Variants in PAK3 observed in about 807,000 individuals in gnomAD.
The protein encoded by PAK3 is p21 (RAC1) activated kinase 3, also known as serine/threonine-protein kinase PAK 3.
A neutral mutation model predicts 41.0 loss-of-function variants in PAK3; 4 were observed. The observed-to-expected ratio is 0.10, with a 90% confidence interval of 0.05 to 0.22. PAK3 has a LOEUF of 0.22. Ranked by LOEUF, PAK3 falls within the 10% of genes least tolerant of loss-of-function variation. The pLI, the probability that PAK3 is intolerant of heterozygous loss-of-function variation, is 1.00. For synonymous variants in PAK3, 146 were observed against 139.6 expected (o/e 1.05, Z -0.32); for missense variants, 205 against 409.9 (o/e 0.50, Z 4.32).
In PAK3 at chrX:111,163,717, A is replaced by G; in HGVS notation, c.756A>G (p.Leu252=). 1 of 1,188,848 alleles carries G rather than the reference A, an allele frequency of 8.4e-7. No individual in the cohort carries two copies. The highest frequency in any genetic ancestry group is 3.0e-5 in the East Asian group (1 of 33,696). The change falls in exon 10 of 18, where the codon TTA becomes TTG. Residue 252 remains leucine (L), a synonymous_variant. Transcript: ENST00000372007. ...CCAAGATGACAGATGAGGAGATCTTAGAGAAGCTAAGTGAGTACTTCTTGC... is the reference window on the plus strand; with the variant it reads ...CCAAGATGACAGATGAGGAGATCTTGGAGAAGCTAAGTGAGTACTTCTTGC... ...KKSKMTDEEI[L]EKLRSIVSVG...
At chrX:111,142,242 T>C in intron 6 of PAK3, 46 bp downstream of exon 6, 2 of 742,342 alleles carry the variant, frequency 2.7e-6, no homozygotes. Context: ...AAAGAATTCC[T>C]TTGTGAAAAT....
intron 8 of PAK3, among the ~76,000 whole-genome samples, chrX:111,153,546 T>A (rs2149141344): frequency 1.8e-5 from 2 of 111,721 alleles, no homozygotes; most frequent in East Asian, 5.6e-4. Flanking sequence ...GGTGAAATAA[T>A]TTGCATTACT....
At chrX:111,006,635 G>A (rs1402128581) in intron 1 of PAK3, among the ~76,000 whole-genome samples, 1 of 111,326 alleles carries the variant, frequency 9.0e-6, no homozygotes, top group Non-Finnish European at 1.9e-5. Context: ...ATTGGGTTCA[G>A]TCAAATAGAG....
intron 6 of PAK3, among the ~76,000 whole-genome samples, chrX:111,146,235 T>G (rs1236880583): frequency 8.9e-6 from 1 of 112,201 alleles, no homozygotes; most frequent in Non-Finnish European, 1.9e-5. Flanking sequence ...TCCAATCATT[T>G]AATGGTAATT....
intron 14 of PAK3, among the ~76,000 whole-genome samples, chrX:111,195,224 CTCAT>C (rs977986033): frequency 2.3e-4 from 26 of 110,703 alleles, no homozygotes; most frequent in Admixed American, 1.2e-3. Flanking sequence ...TTGCTCTCCT[CTCAT>C]TATCATTTTC....
intron 1 of PAK3, among the ~76,000 whole-genome samples, chrX:110,950,075 G>T (rs924059280): frequency 9.0e-6 from 1 of 110,556 alleles, no homozygotes; most frequent in African/African-American, 3.3e-5. Context: ...TAAAGGCTGG[G>T]AGTGGGGGCT....
At chrX:111,217,523 T>A (rs778886622) in intron 17 of PAK3, 1 of 969,141 alleles carries the variant, frequency 1.0e-6, no homozygotes, top group African/African-American at 2.0e-5. Flanking sequence ...AAGAAAAACC[T>A]GTTCCTGTTG....
chrX:111,206,781 A>T (rs2094752965), intron 16 of PAK3, among the ~76,000 whole-genome samples: 1 of 111,369 alleles, frequency 9.0e-6, no homozygotes, highest in Non-Finnish European at 1.9e-5. Context: ...TAATGTGATT[A>T]TTTCTTTTTG....
chrX:111,028,531 G>A (rs969423742), intron 1 of PAK3, among the ~76,000 whole-genome samples: 13 of 111,018 alleles, frequency 1.2e-4, no homozygotes, highest in Admixed American at 2.9e-4. Context: ...TGAAATTTTA[G>A]TATAAGGGAA....
Position 111,006,727 on chromosome X carries a change from T to C in PAK3, c.-28+62099T>C, listed in dbSNP as rs140366360. Among the ~76,000 whole-genome samples, 24 of 111,361 alleles carry C rather than the reference T, an allele frequency of 2.2e-4. 1 individual carries two copies. The East Asian group carries it at 6.8e-3, about 32-fold the overall frequency. On this transcript the variant is annotated intron_variant, in intron 1 of 14. Transcript: ENST00000425146. The stretch of plus-strand genomic sequence containing the variant: ...TACATCAGTGTTTCTTCCACTTTAA[T>C]GCTCATACACATCTCCTGGAGATCT...
At chrX:111,134,458 A>G (rs767713619) in intron 5 of PAK3, among the ~76,000 whole-genome samples, 6 of 112,190 alleles carry the variant, frequency 5.3e-5, no homozygotes. Context: ...CATATAATGA[A>G]GGTCATTCAT....
chrX:111,075,690 G>C (rs781762469), intron 1 of PAK3, among the ~76,000 whole-genome samples: 1 of 112,715 alleles, frequency 8.9e-6, no homozygotes, highest in African/African-American at 3.2e-5. Context: ...GGTACTGCCT[G>C]GTGGAGCTGT....
At chrX:111,072,425 G>A (rs1474670602) in intron 1 of PAK3, among the ~76,000 whole-genome samples, 4 of 112,638 alleles carry the variant, frequency 3.6e-5, no homozygotes, top group Non-Finnish European at 5.6e-5. Context: ...TTCACAACAA[G>A]TTTTGTCACC....
intron 5 of PAK3, among the ~76,000 whole-genome samples, chrX:111,135,200 G>T (rs1288703461): frequency 9.0e-6 from 1 of 111,207 alleles, no homozygotes; most frequent in African/African-American, 3.3e-5. Flanking sequence ...TTAGGGAGGA[G>T]AATTCATAGA....
Position 111,220,945 on chromosome X carries a change from C to CAAAAAA in PAK3, c.*510_*515dup. ...AAAAAAGAAAGCAAAAAAAGCAAGG[C>CAAAAAA]AAAAAAAAAAAAAAAAACAAACAAA... On this transcript the variant is annotated 3_prime_UTR_variant, in exon 18 of 18. Transcript: ENST00000372007. 3 of 49,416 alleles carry CAAAAAA rather than the reference C, an allele frequency of 6.1e-5. No individual in the cohort carries two copies. The highest frequency in any genetic ancestry group is 2.6e-4 in the African/African-American group (3 of 11,733). The allele number at this position is 49,416 out of a possible 1,213,427, so 4.1% of individuals were successfully genotyped here. A position where few individuals can be genotyped will look rare whatever the true frequency, so the allele number is the denominator to read the frequency against.
intron 5 of PAK3, 142 bp from the exon 6 acceptor site, chrX:111,141,954 A>G: frequency 2.0e-6 from 1 of 495,992 alleles, no homozygotes; most frequent in Non-Finnish European, 3.6e-6. Context: ...AATAATTGGA[A>G]TTTCTGGAGT....
intron 1 of PAK3, among the ~76,000 whole-genome samples, chrX:111,089,576 T>G (rs760557671): frequency 9.0e-6 from 1 of 111,197 alleles, no homozygotes; most frequent in Non-Finnish European, 1.9e-5. Context: ...GAAATATGTG[T>G]TCAATATCAT....
intron 1 of PAK3, among the ~76,000 whole-genome samples, chrX:111,078,402 A>G (rs2092805453): frequency 9.0e-6 from 1 of 110,897 alleles, no homozygotes; most frequent in Admixed American, 9.6e-5. Context: ...CAATATTTCA[A>G]ACTTTTTCAT....
intron 1 of PAK3, among the ~76,000 whole-genome samples, chrX:111,047,681 T>G (rs1274020912): frequency 1.8e-5 from 2 of 111,113 alleles, no homozygotes; most frequent in East Asian, 5.7e-4. Context: ...TGGCTGGAAC[T>G]GGGCTTAAAT....
Sources: allele counts gnomAD v4.1 joint callset (sites outside exome capture counted in the v4.1 genomes callset), GRCh38; gene constraint gnomAD v4.1.1; transcripts MANE v1.5; gene names NCBI Gene and HGNC (gene_info 2026-07-23, HGNC 2026-07-21).